The following HNRNPR variants were observed in gnomAD, a reference collection of about 807,000 sequenced individuals.
HNRNPR encodes the protein heterogeneous nuclear ribonucleoprotein R.
In HNRNPR, 4 loss-of-function variants were observed where a neutral mutation model predicts 70.3. That is an observed-to-expected ratio of 0.06 (90% CI 0.03 to 0.13). The LOEUF (loss-of-function observed/expected upper bound fraction) is 0.13, where lower values mean the gene tolerates loss of function less well. HNRNPR is among the 10% of genes least tolerant of loss of function. The pLI is 1.00. For synonymous variants in HNRNPR, 241 were observed against 267.6 expected (o/e 0.90, Z 0.97); for missense variants, 423 against 788.5 (o/e 0.54, Z 5.55).
chr1:23,323,496 G>C, intron 6 of HNRNPR, 60 bp downstream of exon 6: 1 of 1,451,354 alleles, frequency 6.9e-7, no homozygotes, highest in Non-Finnish European at 9.5e-7. Flanking sequence ...AAACATTTTT[G>C]AATTAAAGTT....
intron 5 of HNRNPR, among the ~76,000 whole-genome samples, chr1:23,327,688 T>TTAAA (rs66915389): frequency 0.012 from 1,891 of 151,398 alleles, 12 homozygotes; most frequent in Middle Eastern, 0.027. Flanking sequence ...AGACTCTGTC[T>TTAAA]TAAATAAATA....
In HNRNPR at chr1:23,310,565, T is replaced by A; in HGVS notation, c.1791A>T (p.Gln597His). ...GCTGAAGCGGCTGCTGAGCGATGGG[T>A]TGGGAACCCCAGTTCTGTTGGTTGT... ...QTNNQQNWGSQPIAQQPLQQG... is the reference protein window; with the variant it reads ...QTNNQQNWGSHPIAQQPLQQG... The change falls in exon 11 of 11, where the codon CAA becomes CAT. Residue 597 changes from glutamine (Q) to histidine (H), a missense_variant. Coordinates refer to ENST00000302271, the MANE Select transcript of HNRNPR (RefSeq NM_005826.5). This position sits in a 1 kb window ranked among gnomAD's most constrained non-coding sequence, Gnocchi z 6.0. 6.2e-7 allele frequency: 1 copy of A among 1,614,168 alleles called. No individual in the cohort carries two copies. Among genetic ancestry groups the A allele is most frequent in the South Asian group, 1.1e-5 (1 of 91,076 alleles).
chr1:23,306,162 T>G lies in HNRNPR; in HGVS notation c.*4292A>C, dbSNP rs1645199892. 6.6e-6 allele frequency: 1 copy of G among 152,200 alleles called. No homozygotes were observed. The highest frequency in any genetic ancestry group is 1.5e-5 in the Non-Finnish European group (1 of 68,028). The allele number at this position is 152,200 out of a possible 1,614,324, so 9.4% of individuals were successfully genotyped here. Reference sequence around the variant, plus strand: ...CTTTTTAAGATTATAAGGTGTCTATTTTGCTCACTTAAAATATACCCTGAG... The same window carrying G: ...CTTTTTAAGATTATAAGGTGTCTATGTTGCTCACTTAAAATATACCCTGAG... On this transcript the variant is annotated 3_prime_UTR_variant, in exon 11 of 11. Transcript: ENST00000302271.
chr1:23,319,748 A>T (rs1191513887), intron 7 of HNRNPR, among the ~76,000 whole-genome samples: 1 of 152,210 alleles, frequency 6.6e-6, no homozygotes, highest in Non-Finnish European at 1.5e-5. Flanking sequence ...TTCATTTCAT[A>T]CAACTCTACT....
At chr1:23,334,376 A>G (rs1387711649) in intron 4 of HNRNPR, among the ~76,000 whole-genome samples, 1 of 151,284 alleles carries the variant, frequency 6.6e-6, no homozygotes, top group Non-Finnish European at 1.5e-5. Flanking sequence ...AGCTGGGACT[A>G]CAGGCACCCG....
At chr1:23,323,764 A>G (rs1198992360) in intron 5 of HNRNPR, 32 bp from the exon 6 acceptor site, 2 of 1,581,882 alleles carry the variant, frequency 1.3e-6, no homozygotes, top group Non-Finnish European at 1.7e-6. Context: ...AGAATCCAAC[A>G]TAAGCATTTG....
intron 5 of HNRNPR, among the ~76,000 whole-genome samples, chr1:23,332,715 CA>C (rs1244895159): frequency 7.5e-6 from 1 of 132,864 alleles, no homozygotes; most frequent in Non-Finnish European, 1.6e-5. Flanking sequence ...AAAAAAAAAA[CA>C]AAACCAAACC....
At chr1:23,320,772 C>G (rs1032186601) in intron 7 of HNRNPR, among the ~76,000 whole-genome samples, 1 of 152,080 alleles carries the variant, frequency 6.6e-6, no homozygotes, top group African/African-American at 2.4e-5. Flanking sequence ...AATAAAAGTA[C>G]AGTTTTGTTA....
chr1:23,322,065 A>C (rs924100437), intron 6 of HNRNPR, among the ~76,000 whole-genome samples: 2 of 152,214 alleles, frequency 1.3e-5, no homozygotes, highest in Non-Finnish European at 2.9e-5. Context: ...GGTAACAACT[A>C]TGTTTAATCA....
rs1472143474 is a variant in HNRNPR, at chr1:23,308,775, T to C, written c.*1679A>G. ...TGAAAAGAAGCCATGAAACCCAATA[T>C]GATCTAGCCAAGATTACACGGAATT... On this transcript the variant is annotated 3_prime_UTR_variant, in exon 11 of 11. Coordinates refer to ENST00000302271, the MANE Select transcript of HNRNPR (RefSeq NM_005826.5). 1 of 152,108 alleles carries C rather than the reference T, an allele frequency of 6.6e-6. No homozygotes were observed. The highest frequency in any genetic ancestry group is 1.5e-5 in the Non-Finnish European group (1 of 67,928). The allele number at this position is 152,108 out of a possible 1,614,324, so 9.4% of individuals were successfully genotyped here.
chr1:23,329,219 G>A (rs1423394863), intron 5 of HNRNPR, among the ~76,000 whole-genome samples: 1 of 152,188 alleles, frequency 6.6e-6, no homozygotes, highest in South Asian at 2.1e-4. Flanking sequence ...ACCACGAATC[G>A]AAAACACTGG....
In HNRNPR at chr1:23,309,353, T is replaced by G. The variant is rs1645255318; in HGVS notation, c.*1101A>C. On this transcript the variant is annotated 3_prime_UTR_variant, in exon 11 of 11. Coordinates refer to ENST00000302271, the MANE Select transcript of HNRNPR (RefSeq NM_005826.5). ...ATTGACGCCACAGTACTAACAATTT[T>G]CCCTGTATGTACATTCACTTATCCA... 1 of 152,150 alleles carries G rather than the reference T, an allele frequency of 6.6e-6. No individual in the cohort carries two copies. Among genetic ancestry groups the G allele is most frequent in the Admixed American group, 6.5e-5 (1 of 15,278 alleles). 9.4% of individuals were successfully genotyped at this position (152,150 alleles called of 1,614,324 possible). A position where few individuals can be genotyped will look rare whatever the true frequency, so the allele number is the denominator to read the frequency against.
At chr1:23,331,099 T>C (rs1176152076) in intron 5 of HNRNPR, among the ~76,000 whole-genome samples, 2 of 152,210 alleles carry the variant, frequency 1.3e-5, no homozygotes, top group African/African-American at 2.4e-5. Flanking sequence ...GGAGTGGTTT[T>C]AGGCTAGTGA....
At chr1:23,313,499 C>T (rs894512383) in intron 9 of HNRNPR, 54 bp downstream of exon 9, 1 of 1,190,288 alleles carries the variant, frequency 8.4e-7, no homozygotes, top group Non-Finnish European at 1.2e-6. Flanking sequence ...TTGTGTTTGG[C>T]AAGTTTCAAA....
chr1:23,323,002 G>A (rs1336369751), intron 6 of HNRNPR, among the ~76,000 whole-genome samples: 5 of 152,192 alleles, frequency 3.3e-5, no homozygotes, highest in African/African-American at 1.2e-4. Context: ...AATAGTAGGA[G>A]AGGAGAGAAA....
At chr1:23,329,673 C>T (rs1646138169) in intron 5 of HNRNPR, among the ~76,000 whole-genome samples, 1 of 152,190 alleles carries the variant, frequency 6.6e-6, no homozygotes, top group South Asian at 2.1e-4. Context: ...GCTCCGTCAC[C>T]CAGGCTGGAA....
In HNRNPR at chr1:23,320,660, G is replaced by A. The variant is rs143044537; in HGVS notation, c.811+868C>T. ...AGTGGTTTTTACAAGGGGAGGCAGC[G>A]GTCTAACGCAGTGTTTTTAAATCAT... On this transcript the variant is annotated intron_variant, in intron 7 of 10. Coordinates refer to ENST00000302271, the MANE Select transcript of HNRNPR (RefSeq NM_005826.5). 1.5e-3 allele frequency among the ~76,000 whole-genome samples: 227 copies of A among 152,140 alleles called. 1 individual carries two copies. The highest frequency in any genetic ancestry group is 5.1e-3 in the African/African-American group (212 of 41,518).
chr1:23,343,193 CA>C (rs200057333), intron 1 of HNRNPR, among the ~76,000 whole-genome samples: 3 of 148,750 alleles, frequency 2.0e-5, no homozygotes, highest in East Asian at 3.9e-4. Context: ...AACATTTTTG[CA>C]AAAAAAAAGG....
intron 5 of HNRNPR, among the ~76,000 whole-genome samples, chr1:23,333,115 G>A (rs978057830): frequency 6.6e-6 from 1 of 152,124 alleles, no homozygotes; most frequent in Non-Finnish European, 1.5e-5. Context: ...CCAGGAGGCC[G>A]AGGTTGCAGT....
Sources: gnomAD v4.1 joint callset for allele counts (sites outside exome capture counted in the v4.1 genomes callset) on GRCh38, gnomAD v4.1.1 for gene constraint, Gnocchi (gnomAD v3.1) non-coding constraint, MANE v1.5 for transcripts, NCBI Gene and HGNC (gene_info 2026-07-23, HGNC 2026-07-21) for gene names.